HIVEP3: variants seen among roughly 807,000 people sequenced by gnomAD.
HIVEP3 encodes transcription factor HIVEP3.
HIVEP3 carries 49 observed loss-of-function variants against 152.8 expected under a neutral mutation model. That is an observed-to-expected ratio of 0.32 (90% CI 0.26 to 0.41). The LOEUF (loss-of-function observed/expected upper bound fraction) is 0.41. Ranked by LOEUF, HIVEP3 falls within the 10% of genes least tolerant of loss-of-function variation. The pLI is 1.00. For synonymous variants in HIVEP3, 1,269 were observed against 1,289.0 expected (o/e 0.98, Z 0.33); for missense variants, 2,790 against 3,103.3 (o/e 0.90, Z 2.40).
In HIVEP3 at chr1:41,582,836, T is replaced by C; in HGVS notation, c.1962A>G (p.Lys654=). ...TTTTGTGGGCTTCGTAGTTATCCCT[T>C]TTCTTGTACCGAGCACCACATATGT... is the stretch of plus-strand genomic sequence containing the variant. The part of the protein sequence containing the change: ...ECNICGARYK[K]RDNYEAHKKY... Residue 654 remains lysine (K), a synonymous_variant, in exon 4 of 9, where the codon AAA becomes AAG. Coordinates refer to ENST00000372583, the MANE Select transcript of HIVEP3 (RefSeq NM_024503.5). This position sits in a 1 kb window ranked among gnomAD's most constrained non-coding sequence, Gnocchi z 4.7. The C allele has an allele frequency of 6.2e-7, 1 of 1,614,194 alleles. No homozygotes were observed.
At chr1:41,786,878 G>A (rs1416203934) in intron 1 of HIVEP3, among the ~76,000 whole-genome samples, 5 of 151,010 alleles carry the variant, frequency 3.3e-5, no homozygotes, top group South Asian at 4.2e-4. Flanking sequence ...CAGACTCCCC[G>A]GTAGCTAGGA....
At chr1:41,634,465 T>A (rs1409870882) in intron 2 of HIVEP3, among the ~76,000 whole-genome samples, 1 of 151,444 alleles carries the variant, frequency 6.6e-6, no homozygotes, top group African/African-American at 2.4e-5. Context: ...AAAGAAAAAT[T>A]AAACAGGAAA....
intron 2 of HIVEP3, among the ~76,000 whole-genome samples, chr1:41,693,235 G>GAAA (rs1646222725): frequency 6.6e-6 from 1 of 152,138 alleles, no homozygotes; most frequent in Non-Finnish European, 1.5e-5. Context: ...GTTGAAAGGT[G>GAAA]GGGACATTTG....
chr1:41,825,303 C>A (rs1464310044), intron 1 of HIVEP3, among the ~76,000 whole-genome samples: 1 of 151,946 alleles, frequency 6.6e-6, no homozygotes, highest in Non-Finnish European at 1.5e-5. Context: ...AAGAATGTTA[C>A]AAAGTACATT....
At chr1:41,741,941 C>T (rs1647002558) in intron 1 of HIVEP3, among the ~76,000 whole-genome samples, 1 of 152,234 alleles carries the variant, frequency 6.6e-6, no homozygotes, top group African/African-American at 2.4e-5. Context: ...GGGCTGAAGG[C>T]CAAGGCATTT....
intron 1 of HIVEP3, among the ~76,000 whole-genome samples, chr1:41,742,030 T>C (rs1347452601): frequency 6.6e-6 from 1 of 152,246 alleles, no homozygotes; most frequent in Non-Finnish European, 1.5e-5. Context: ...CTTTTTAGAA[T>C]TGATTCTGAC....
chr1:41,739,090 T>C lies in HIVEP3; in HGVS notation c.-800-38095A>G, dbSNP rs921060012. Among the ~76,000 whole-genome samples, 4 of 152,140 alleles carry C rather than the reference T, an allele frequency of 2.6e-5. No individual in the cohort carries two copies. The South Asian group carries it at 6.2e-4, about 24-fold the overall frequency. Reference sequence around the variant, plus strand: ...CGGAGGAAACAGAAATGTCTGAAAATAGAACGTGAATCGATGCCCCCGACT... The same window carrying C: ...CGGAGGAAACAGAAATGTCTGAAAACAGAACGTGAATCGATGCCCCCGACT... On this transcript the variant is annotated intron_variant, in intron 1 of 8. Transcript: ENST00000372583.
At chr1:41,840,782 G>A (rs998420532) in intron 1 of HIVEP3, among the ~76,000 whole-genome samples, 2 of 152,186 alleles carry the variant, frequency 1.3e-5, no homozygotes, top group African/African-American at 4.8e-5. Context: ...AGGAAGCTTG[G>A]CACTGGAAGG....
chr1:41,897,747 C>T (rs1322203849), intron 1 of HIVEP3, among the ~76,000 whole-genome samples: 10 of 151,802 alleles, frequency 6.6e-5, no homozygotes, highest in African/African-American at 2.4e-4. Flanking sequence ...AAAAGTTGAC[C>T]CCTAGTTGAA....
At chr1:41,853,938 G>A (rs1270598422) in intron 1 of HIVEP3, among the ~76,000 whole-genome samples, 2 of 152,132 alleles carry the variant, frequency 1.3e-5, no homozygotes, top group Non-Finnish European at 2.9e-5. Flanking sequence ...CAAGGGAGAA[G>A]GCCAGAGGAG....
chr1:41,593,040 T>C (rs1644610950), intron 3 of HIVEP3, among the ~76,000 whole-genome samples: 1 of 152,194 alleles, frequency 6.6e-6, no homozygotes. Flanking sequence ...TGCCTCTCCT[T>C]TGGGCTTGGG....
At position 41,582,277 on chromosome 1, in the gene HIVEP3, G is replaced by A. The variant is rs774644027; in HGVS notation, c.2521C>T (p.His841Tyr). The change falls in exon 4 of 9, where the codon CAC (histidine) becomes TAC (tyrosine). Residue 841 changes from histidine to tyrosine, a missense_variant. By Grantham distance (83) the His-to-Tyr change is moderately conservative. Coordinates refer to ENST00000372583, the MANE Select transcript of HIVEP3 (RefSeq NM_024503.5). The surrounding 1 kb of genome is among the most constrained non-coding windows in gnomAD (Gnocchi z 4.7). ...CGGACCAACTTAGGCTGCAGGGAGT[G>A]AGCAGAGCGTCCGTGTGGGGCAGGT... ...PPPAPHGRSA[H>Y]SLQPKLVRQP... The A allele has an allele frequency of 3.1e-6, 5 of 1,614,126 alleles. No individual in the cohort carries two copies. The highest frequency in any genetic ancestry group is 1.1e-5 in the South Asian group (1 of 91,070).
chr1:41,979,373 C>G (rs1366887950), intron 1 of HIVEP3, among the ~76,000 whole-genome samples: 1 of 152,154 alleles, frequency 6.6e-6, no homozygotes, highest in Non-Finnish European at 1.5e-5. Flanking sequence ...CATCAGTACT[C>G]ACAAGGTTGA....
At chr1:41,697,781 T>C (rs1339764902) in intron 2 of HIVEP3, among the ~76,000 whole-genome samples, 1 of 152,222 alleles carries the variant, frequency 6.6e-6, no homozygotes, top group Non-Finnish European at 1.5e-5. Context: ...GCCCAGTTCA[T>C]CCAGGCATTT....
intron 1 of HIVEP3, among the ~76,000 whole-genome samples, chr1:41,802,341 G>A (rs965200015): frequency 6.6e-6 from 1 of 151,878 alleles, no homozygotes; most frequent in Non-Finnish European, 1.5e-5. Context: ...TCAGCCTCCC[G>A]AGTAGTTGGG....
chr1:41,729,921 C>T (rs545770218), intron 1 of HIVEP3, among the ~76,000 whole-genome samples: 243 of 152,284 alleles, frequency 1.6e-3, no homozygotes, highest in Non-Finnish European at 3.0e-3. Flanking sequence ...CACCAGCCCA[C>T]AGAGGGAGAC....
intron 1 of HIVEP3, among the ~76,000 whole-genome samples, chr1:41,729,080 C>G (rs1264807135): frequency 2.6e-5 from 4 of 152,220 alleles, no homozygotes; most frequent in Non-Finnish European, 4.4e-5. Flanking sequence ...CCCCAACACA[C>G]AGCCATCCAG....
Position 41,963,550 on chromosome 1 carries a change from A to G in HIVEP3, n.120-45026T>C, listed in dbSNP as rs113184978. Among the ~76,000 whole-genome samples, 735 of 151,958 alleles carry G rather than the reference A, an allele frequency of 4.8e-3. 8 individuals are homozygous for G. Among genetic ancestry groups the G allele is most frequent in the African/African-American group, 0.017 (714 of 41,386 alleles). ...GGGGGAGCGGCGAGGGGGGAGGGAA[A>G]GCATTAGGAGATATACCTAATGTAA... is the stretch of plus-strand genomic sequence containing the variant. On this transcript the variant is annotated intron_variant and non_coding_transcript_variant, in intron 1 of 3. Coordinates refer to the HIVEP3 transcript ENST00000489103.
chr1:41,632,858 G>A (rs372138499), intron 2 of HIVEP3, among the ~76,000 whole-genome samples: 12 of 152,192 alleles, frequency 7.9e-5, no homozygotes, highest in Admixed American at 3.9e-4. Context: ...ATGGCTGGAG[G>A]TGAGGGGCAG....
Sources: gnomAD v4.1 joint callset for allele counts (sites outside exome capture counted in the v4.1 genomes callset) on GRCh38, gnomAD v4.1.1 for gene constraint, Gnocchi (gnomAD v3.1) non-coding constraint, MANE v1.5 for transcripts, NCBI Gene and HGNC (gene_info 2026-07-23, HGNC 2026-07-21) for gene names.